The following MYO5A variants were observed in gnomAD, a reference collection of about 807,000 sequenced individuals.
MYO5A encodes the protein myosin VA.
A neutral mutation model predicts 249.7 loss-of-function variants in MYO5A; 98 were observed. That is an observed-to-expected ratio of 0.39 (90% CI 0.33 to 0.46). The LOEUF (loss-of-function observed/expected upper bound fraction) is 0.46. Ranked by LOEUF, MYO5A falls within the 20% of genes least tolerant of loss-of-function variation. MYO5A has a pLI of 0.98. For synonymous variants in MYO5A, 778 were observed against 810.6 expected (o/e 0.96, Z 0.68); for missense variants, 1,696 against 2,308.8 (o/e 0.73, Z 5.44).
chr15:52,421,706 A>C (rs1335510292), intron 4 of MYO5A, among the ~76,000 whole-genome samples: 1 of 152,176 alleles, frequency 6.6e-6, no homozygotes, highest in Non-Finnish European at 1.5e-5. Flanking sequence ...TTTATGCATT[A>C]GTTCCCATCA....
chr15:52,393,792 C>A (rs1595587702), intron 11 of MYO5A, among the ~76,000 whole-genome samples: 1 of 152,144 alleles, frequency 6.6e-6, no homozygotes, highest in African/African-American at 2.4e-5. Context: ...AAGCAAATTT[C>A]TTCTGTTCTT....
intron 39 of MYO5A, 136 bp downstream of exon 39, chr15:52,318,924 T>C (rs1409082713): frequency 1.8e-6 from 2 of 1,139,962 alleles, no homozygotes; most frequent in Non-Finnish European, 2.5e-6. Flanking sequence ...TCCGTGCCAG[T>C]TTCTCCCTTG....
intron 10 of MYO5A, 22 bp downstream of exon 10, chr15:52,397,179 C>G (rs1474392757): frequency 6.2e-7 from 1 of 1,612,738 alleles, no homozygotes; most frequent in Non-Finnish European, 8.5e-7. Context: ...CTCTGGCAGA[C>G]CAATTAGCCA....
chr15:52,344,161 A>G (rs186587046), intron 30 of MYO5A, among the ~76,000 whole-genome samples: 2 of 152,150 alleles, frequency 1.3e-5, no homozygotes, highest in African/African-American at 4.8e-5. Flanking sequence ...TCTACTTTAC[A>G]TCTAGAGAGT....
chr15:52,416,114 T>C (rs769721542), intron 5 of MYO5A, 31 bp downstream of exon 5: 12 of 1,612,444 alleles, frequency 7.4e-6, no homozygotes, highest in South Asian at 3.3e-5. Flanking sequence ...CAAGAGAATA[T>C]AGGAAGAAAG....
At chr15:52,485,777 A>G (rs957617678) in intron 1 of MYO5A, among the ~76,000 whole-genome samples, 2 of 152,182 alleles carry the variant, frequency 1.3e-5, no homozygotes, top group African/African-American at 4.8e-5. Context: ...AAGAATAAAG[A>G]TTTTTTAGCA....
At position 52,310,235 on chromosome 15, in the gene MYO5A, TC is replaced by T. The variant is rs2037735707; in HGVS notation, c.*3460del. 1 of 152,232 alleles carries T rather than the reference TC, an allele frequency of 6.6e-6. No homozygotes were observed. Among genetic ancestry groups the T allele is most frequent in the Non-Finnish European group, 1.5e-5 (1 of 68,048 alleles). The allele number at this position is 152,232 out of a possible 1,614,324, so 9.4% of individuals were successfully genotyped here. A position where few individuals can be genotyped will look rare whatever the true frequency, so the allele number is the denominator to read the frequency against. The stretch of plus-strand genomic sequence containing the variant: ...CAGATATGTGGAAATTTTTTAAACT[TC>T]CAAAGGAATTAGAAGCTACACTTTG... On this transcript the variant is annotated 3_prime_UTR_variant, in exon 42 of 42. Coordinates refer to ENST00000399233, the MANE Select transcript of MYO5A (RefSeq NM_001382347.1).
At chr15:52,351,924 C>T (rs1284803159) in intron 27 of MYO5A, among the ~76,000 whole-genome samples, 15 of 152,212 alleles carry the variant, frequency 9.9e-5, no homozygotes, top group Non-Finnish European at 1.5e-4. Flanking sequence ...TCTCCTCTTA[C>T]TTCCTTTATA....
chr15:52,490,749 C>T (rs2076918384), intron 1 of MYO5A, among the ~76,000 whole-genome samples: 1 of 152,050 alleles, frequency 6.6e-6, no homozygotes, highest in South Asian at 2.1e-4. Flanking sequence ...GACAGGGTCT[C>T]ATTCTGTTGC....
intron 27 of MYO5A, among the ~76,000 whole-genome samples, chr15:52,353,320 C>A (rs143856487): frequency 2.0e-4 from 31 of 152,268 alleles, no homozygotes; most frequent in African/African-American, 7.0e-4. Flanking sequence ...CCCATCATAC[C>A]CAATTGGATT....
At chr15:52,471,187 C>T (rs1393790577) in intron 1 of MYO5A, among the ~76,000 whole-genome samples, 4 of 152,162 alleles carry the variant, frequency 2.6e-5, no homozygotes, top group African/African-American at 2.4e-5. Context: ...ACTGCATTTG[C>T]ACAAAATAGT....
intron 1 of MYO5A, among the ~76,000 whole-genome samples, chr15:52,450,291 G>A (rs190902811): frequency 6.6e-6 from 1 of 151,914 alleles, no homozygotes; most frequent in Non-Finnish European, 1.5e-5. Context: ...TTATATATGT[G>A]AAGTACTCAG....
chr15:52,466,531 C>A (rs1395003137), intron 1 of MYO5A, among the ~76,000 whole-genome samples: 4 of 152,216 alleles, frequency 2.6e-5, no homozygotes. Context: ...ATGAACCTTG[C>A]CAAGACTGGG....
chr15:52,432,703 T>C (rs1567120943), intron 2 of MYO5A, among the ~76,000 whole-genome samples: 1 of 152,192 alleles, frequency 6.6e-6, no homozygotes, highest in East Asian at 1.9e-4. Flanking sequence ...AAATGTTAAA[T>C]AAGTTAATTC....
intron 1 of MYO5A, among the ~76,000 whole-genome samples, chr15:52,475,638 G>A (rs1319263236): frequency 6.6e-6 from 1 of 152,262 alleles, no homozygotes; most frequent in South Asian, 2.1e-4. Flanking sequence ...CATTCATTTT[G>A]TTATGTACTC....
intron 1 of MYO5A, among the ~76,000 whole-genome samples, chr15:52,514,329 T>G (rs2077454994): frequency 1.3e-5 from 2 of 152,208 alleles, no homozygotes; most frequent in Non-Finnish European, 2.9e-5. Context: ...ACAAATGAGA[T>G]GTTTTCCCTG....
intron 1 of MYO5A, among the ~76,000 whole-genome samples, chr15:52,487,714 A>T (rs1331603779): frequency 7.2e-6 from 1 of 137,946 alleles, no homozygotes; most frequent in African/African-American, 2.8e-5. Context: ...ACAGAACGAG[A>T]CTCTGTCTCA....
Position 52,346,394 on chromosome 15 carries a change from G to A in MYO5A, c.3926C>T (p.Ala1309Val). 6.2e-7 allele frequency: 1 copy of A among 1,605,792 alleles called. No individual in the cohort carries two copies. Among genetic ancestry groups the A allele is most frequent in the Non-Finnish European group, 8.5e-7 (1 of 1,172,942 alleles). ...TTCTTTCAAACCAATGTATGCTTGT[G>A]CTATTTCACCTTTATCTTTCATTTT... ...VQKMKDKGEI[A>V]QAYIGLKETN... Residue 1309 changes from alanine (A) to valine (V), a missense_variant, in exon 30 of 42, where the codon GCA (alanine) becomes GTA (valine). By Grantham distance (64) the Ala-to-Val change is moderately conservative. Transcript: ENST00000399233.
chr15:52,502,287 C>T (rs113976639), intron 1 of MYO5A, among the ~76,000 whole-genome samples: 1,624 of 146,588 alleles, frequency 0.011, 22 homozygotes, highest in African/African-American at 0.038. Flanking sequence ...CATCCCAATA[C>T]ATATATACAT....
Sources: allele counts gnomAD v4.1 joint callset (sites outside exome capture counted in the v4.1 genomes callset), GRCh38; gene constraint gnomAD v4.1.1; transcripts MANE v1.5; gene names NCBI Gene and HGNC (gene_info 2026-07-23, HGNC 2026-07-21).